The following TENM3 variants were observed in gnomAD, a reference collection of about 807,000 sequenced individuals.
TENM3 encodes teneurin transmembrane protein 3.
In TENM3, 63 loss-of-function variants were observed where a neutral mutation model predicts 255.1. The observed-to-expected ratio is 0.25, with a 90% CI of 0.20 to 0.30. The LOEUF is 0.30. Among genes scored for constraint, TENM3 ranks in the 10% least tolerant of loss-of-function variants. The probability of loss-of-function intolerance (pLI) is 1.00; values close to 1 mark genes in which losing one functional copy is unlikely to be tolerated. For synonymous variants in TENM3, 1,306 were observed against 1,322.3 expected (o/e 0.99, Z 0.27); for missense variants, 2,929 against 3,461.1 (o/e 0.85, Z 3.86).
the TENM3 span, among the ~76,000 whole-genome samples, chr4:181,471,684 G>A: frequency 3.1e-3 from 469 of 152,224 alleles, 16 homozygotes; most frequent in East Asian, 0.061. Flanking sequence ...CCTAATATTC[G>A]CTATATAAGG....
intron 22 of TENM3, among the ~76,000 whole-genome samples, chr4:182,759,790 A>G (rs950837319): frequency 2.0e-5 from 3 of 152,222 alleles, no homozygotes; most frequent in Non-Finnish European, 2.9e-5. Flanking sequence ...TTCGGGGTAC[A>G]CAGATGGGGT....
At chr4:181,538,043 G>C in the TENM3 span, among the ~76,000 whole-genome samples, 2 of 152,138 alleles carry the variant, frequency 1.3e-5, no homozygotes, top group African/African-American at 4.8e-5. Flanking sequence ...AGTCCAAGCT[G>C]TGTCATAATT....
At position 182,793,626 on chromosome 4, in the gene TENM3, C is replaced by T. The variant is rs199950259; in HGVS notation, c.6954C>T (p.Tyr2318=). 2 of 1,613,972 alleles carry T rather than the reference C, an allele frequency of 1.2e-6. No homozygotes were observed. The highest frequency in any genetic ancestry group is 1.3e-5 in the African/African-American group (1 of 75,032). Residue 2318 remains tyrosine (Y), a synonymous_variant, in exon 26 of 28, where the codon TAC becomes TAT. Coordinates refer to ENST00000511685, the MANE Select transcript of TENM3 (RefSeq NM_001080477.4). The surrounding 1 kb of genome is among the most constrained non-coding windows in gnomAD (Gnocchi z 5.7). The part of the protein sequence containing the change: ...SNGLMLKQIQ[Y]TAYGEIYFDS... Reference sequence around the variant, plus strand: ...GGCTTATGCTGAAACAGATTCAGTACACTGCATATGGGGAAATCTATTTTG... The same window carrying T: ...GGCTTATGCTGAAACAGATTCAGTATACTGCATATGGGGAAATCTATTTTG...
At chr4:182,414,081 C>T (rs933314221) in intron 3 of TENM3, among the ~76,000 whole-genome samples, 10 of 152,174 alleles carry the variant, frequency 6.6e-5, no homozygotes, top group African/African-American at 2.4e-4. Flanking sequence ...ACACAGAGAT[C>T]ATACAATATA....
At chr4:182,112,571 T>C in the TENM3 span, among the ~76,000 whole-genome samples, 1 of 152,202 alleles carries the variant, frequency 6.6e-6, no homozygotes, top group South Asian at 2.1e-4. Context: ...AGTGTAATTT[T>C]CTATGTGTCT....
At chr4:182,435,904 T>C (rs1262771548) in intron 3 of TENM3, among the ~76,000 whole-genome samples, 3 of 152,120 alleles carry the variant, frequency 2.0e-5, no homozygotes, top group Non-Finnish European at 2.9e-5. Context: ...AATATAGATT[T>C]ATATTTTACT....
the TENM3 span, among the ~76,000 whole-genome samples, chr4:181,599,846 CTTAT>C: frequency 6.6e-6 from 1 of 152,062 alleles, no homozygotes; most frequent in African/African-American, 2.4e-5. Flanking sequence ...TCCTTTTTTA[CTTAT>C]TTATTACACA....
chr4:182,755,405 G>C, intron 22 of TENM3, 146 bp downstream of exon 22: 1 of 768,582 alleles, frequency 1.3e-6, no homozygotes, highest in Non-Finnish European at 2.0e-6. Context: ...GGCTGGGCAC[G>C]GTGGCTCATT....
chr4:181,883,893 A>G, the TENM3 span, among the ~76,000 whole-genome samples: 1 of 152,148 alleles, frequency 6.6e-6, no homozygotes, highest in Admixed American at 6.5e-5. Flanking sequence ...TGAACATCGT[A>G]TTTTGTTTGA....
chr4:181,829,068 T>G, the TENM3 span, among the ~76,000 whole-genome samples: 1 of 152,214 alleles, frequency 6.6e-6, no homozygotes, highest in Non-Finnish European at 1.5e-5. Context: ...GGGGAGACAG[T>G]ACTTTAAATC....
intron 25 of TENM3, among the ~76,000 whole-genome samples, chr4:182,791,683 T>G (rs978628526): frequency 3.9e-5 from 6 of 152,206 alleles, no homozygotes; most frequent in African/African-American, 1.4e-4. Context: ...CATTTATAGC[T>G]CTCATTCACC....
At chr4:182,560,094 T>A (rs928218941) in intron 3 of TENM3, among the ~76,000 whole-genome samples, 8 of 151,448 alleles carry the variant, frequency 5.3e-5, no homozygotes, top group African/African-American at 1.9e-4. Flanking sequence ...TTTTTTTTTT[T>A]TAAAAAAAGA....
chr4:181,761,175 C>T, the TENM3 span, among the ~76,000 whole-genome samples: 6,573 of 152,102 alleles, frequency 0.043, 163 homozygotes, highest in Middle Eastern at 0.099. Context: ...TTACTATCGA[C>T]TATACTAAGC....
chr4:181,633,019 C>T, the TENM3 span, among the ~76,000 whole-genome samples: 3 of 152,188 alleles, frequency 2.0e-5, no homozygotes, highest in Admixed American at 6.5e-5. Context: ...CAAACATGCT[C>T]TCAGATTCCT....
intron 5 of TENM3, among the ~76,000 whole-genome samples, chr4:182,648,742 G>A (rs1752987957): frequency 6.6e-6 from 1 of 152,122 alleles, no homozygotes; most frequent in South Asian, 2.1e-4. Context: ...CCTTCCTAGA[G>A]GTCATCACCA....
the TENM3 span, among the ~76,000 whole-genome samples, chr4:181,491,775 G>A: frequency 1.3e-5 from 2 of 152,044 alleles, no homozygotes; most frequent in African/African-American, 4.8e-5. Context: ...TTTTAAACCA[G>A]AAAAGTGGAC....
At chr4:182,682,730 G>A (rs778157372) in intron 11 of TENM3, among the ~76,000 whole-genome samples, 5 of 151,446 alleles carry the variant, frequency 3.3e-5, no homozygotes, top group Admixed American at 6.6e-5. Context: ...AGTGATACAC[G>A]CTGATTTTTT....
At chr4:181,856,127 AAGAAGGAAGAAGGAAGGAAGGAAGGAAAG>A in the TENM3 span, among the ~76,000 whole-genome samples, 280 of 141,118 alleles carry the variant, frequency 2.0e-3, 8 homozygotes, top group East Asian at 0.032. Context: ...GAAGGAAGGA[AAGAAGGAAGAAGGAAGGAAGGAAGGAAAG>A]GGAAGGAAAG....
At chr4:182,333,749 A>G (rs989030145) in intron 2 of TENM3, among the ~76,000 whole-genome samples, 1 of 152,232 alleles carries the variant, frequency 6.6e-6, no homozygotes, top group Admixed American at 6.5e-5. Context: ...ATTAAATGAT[A>G]TATATTTTGG....
Sources: gnomAD v4.1 joint callset for allele counts (sites outside exome capture counted in the v4.1 genomes callset) on GRCh38, gnomAD v4.1.1 for gene constraint, Gnocchi (gnomAD v3.1) non-coding constraint, MANE v1.5 for transcripts, NCBI Gene and HGNC (gene_info 2026-07-23, HGNC 2026-07-21) for gene names.